DTWD2: variants seen among roughly 807,000 people sequenced by gnomAD.
The protein encoded by DTWD2 is tRNA-uridine aminocarboxypropyltransferase 2.
A neutral mutation model predicts 31.8 loss-of-function variants in DTWD2; 39 were observed. The ratio of observed to expected loss-of-function variants is 1.22; its 90% CI spans 0.95 to 1.60. DTWD2 has a LOEUF of 1.60. Among genes scored for constraint, DTWD2 ranks in the 40% most tolerant of loss-of-function variants. The probability of loss-of-function intolerance (pLI) is 0.00; values close to 1 mark genes in which losing one functional copy is unlikely to be tolerated. For synonymous variants in DTWD2, 180 were observed against 142.8 expected (o/e 1.26, Z -1.86); for missense variants, 515 against 381.5 (o/e 1.35, Z -2.92).
intron 4 of DTWD2, among the ~76,000 whole-genome samples, chr5:118,878,725 C>A (rs1253106573): frequency 6.6e-6 from 1 of 151,986 alleles, no homozygotes; most frequent in African/African-American, 2.4e-5. Context: ...AGCAAACAGA[C>A]AATCTACAGA....
chr5:118,923,664 C>A (rs1354172522), intron 4 of DTWD2, among the ~76,000 whole-genome samples: 1 of 152,172 alleles, frequency 6.6e-6, no homozygotes, highest in East Asian at 1.9e-4. Context: ...TCCTTTCTTT[C>A]CTGTTCTAAA....
chr5:118,982,222 T>G (rs553437077), intron 1 of DTWD2, among the ~76,000 whole-genome samples: 6 of 152,216 alleles, frequency 3.9e-5, no homozygotes, highest in Non-Finnish European at 8.8e-5. Context: ...ATTATTAATT[T>G]TGGGAAAATG....
intron 4 of DTWD2, among the ~76,000 whole-genome samples, chr5:118,878,364 T>TA (rs946133606): frequency 3.3e-5 from 5 of 152,132 alleles, no homozygotes; most frequent in African/African-American, 9.7e-5. Context: ...CCCACACACT[T>TA]ACAACTATCT....
chr5:118,882,735 A>G (rs1343444179), intron 4 of DTWD2, among the ~76,000 whole-genome samples: 5 of 152,220 alleles, frequency 3.3e-5, no homozygotes, highest in Admixed American at 1.3e-4. Context: ...CCCTTTAGCA[A>G]TGGCTGGAGA....
At chr5:118,973,180 C>T (rs1188335377) in intron 1 of DTWD2, among the ~76,000 whole-genome samples, 10 of 150,086 alleles carry the variant, frequency 6.7e-5, no homozygotes, top group South Asian at 2.2e-4. Flanking sequence ...CTGAATACAA[C>T]ACACCAATGG....
At chr5:118,896,294 T>A (rs1753082189) in intron 4 of DTWD2, among the ~76,000 whole-genome samples, 1 of 152,132 alleles carries the variant, frequency 6.6e-6, no homozygotes, top group African/African-American at 2.4e-5. Flanking sequence ...GCAATAATAT[T>A]TTCTACAAAG....
intron 4 of DTWD2, among the ~76,000 whole-genome samples, chr5:118,915,580 T>C (rs1328751484): frequency 6.6e-6 from 1 of 152,078 alleles, no homozygotes; most frequent in Non-Finnish European, 1.5e-5. Context: ...TTCACCATGT[T>C]AGCCAGGATG....
intron 5 of DTWD2, among the ~76,000 whole-genome samples, chr5:118,846,632 A>G (rs578022036): frequency 1.3e-5 from 2 of 152,320 alleles, no homozygotes; most frequent in South Asian, 2.1e-4. Context: ...ACTGGGTTAC[A>G]TAATTCTATT....
chr5:118,974,074 T>C, intron 1 of DTWD2: 1 of 1,604,504 alleles, frequency 6.2e-7, no homozygotes, highest in Non-Finnish European at 8.5e-7. Flanking sequence ...CTGAAGATGA[T>C]GAGGATGACG....
chr5:118,956,757 C>T (rs1026818464), intron 1 of DTWD2, among the ~76,000 whole-genome samples: 3 of 152,144 alleles, frequency 2.0e-5, no homozygotes, highest in Non-Finnish European at 4.4e-5. Context: ...TGCACCTCAA[C>T]TTTACCAATA....
chr5:118,928,644 T>C lies in DTWD2; in HGVS notation c.490A>G (p.Ile164Val). 3.1e-6 allele frequency: 5 copies of C among 1,603,002 alleles called. No homozygotes were observed. Among genetic ancestry groups the C allele is most frequent in the Non-Finnish European group, 4.3e-6 (5 of 1,174,064 alleles). ...GAEAANLEEF[I>V]LDSPVYPSTI... ...GAAGGATAAACAGGAGAATCTAATA[T>C]AAATTCTTCCAAATTAGCAGCTTCA... The change falls in exon 4 of 6, where the codon ATA becomes GTA. Residue 164 changes from isoleucine to valine, a missense_variant. Physicochemically the swap from Ile to Val is conservative, Grantham distance 29. Transcript: ENST00000510708.
chr5:118,843,508 T>C (rs1751776363), intron 5 of DTWD2, among the ~76,000 whole-genome samples: 1 of 152,192 alleles, frequency 6.6e-6, no homozygotes, highest in Non-Finnish European at 1.5e-5. Flanking sequence ...AATGCTAAAA[T>C]AACTATATAT....
chr5:118,931,504 A>G (rs1753923674), intron 3 of DTWD2, among the ~76,000 whole-genome samples: 2 of 152,178 alleles, frequency 1.3e-5, no homozygotes, highest in Non-Finnish European at 2.9e-5. Flanking sequence ...AAGGCATTAC[A>G]TAATAACAAG....
intron 2 of DTWD2, 49 bp from the exon 3 acceptor site, chr5:118,939,339 C>T: frequency 1.4e-6 from 2 of 1,429,106 alleles, no homozygotes; most frequent in South Asian, 2.8e-5. Flanking sequence ...TAGATATACA[C>T]ACTTTTAAAT....
At chr5:118,857,067 G>T (rs544455527) in intron 4 of DTWD2, among the ~76,000 whole-genome samples, 2 of 151,794 alleles carry the variant, frequency 1.3e-5, no homozygotes, top group East Asian at 3.9e-4. Context: ...ATGAGCCACC[G>T]CACCCGGCAG....
intron 4 of DTWD2, among the ~76,000 whole-genome samples, chr5:118,871,441 C>T (rs1752502567): frequency 6.6e-6 from 1 of 152,146 alleles, no homozygotes; most frequent in Non-Finnish European, 1.5e-5. Flanking sequence ...TTTATGGCAA[C>T]TATAGCCTTA....
rs145377478 is a variant in DTWD2 at position 118,982,909 on chromosome 5, G to A, written c.218+5385C>T. 4.4e-3 allele frequency among the ~76,000 whole-genome samples: 669 copies of A among 151,954 alleles called. 1 individual carries two copies. Among genetic ancestry groups the A allele is most frequent in the South Asian group, 7.7e-3 (37 of 4,806 alleles). ...TCACCATGCTGGTCAGGCTGGTCTC[G>A]ATCTCCTCTGACCTTGTGATCCATC... On this transcript the variant is annotated intron_variant, in intron 1 of 5. Coordinates refer to ENST00000510708, the MANE Select transcript of DTWD2 (RefSeq NM_173666.4).
intron 4 of DTWD2, among the ~76,000 whole-genome samples, chr5:118,909,086 C>A (rs1753400649): frequency 6.6e-6 from 1 of 152,232 alleles, no homozygotes; most frequent in African/African-American, 2.4e-5. Context: ...AAGGTAAGCA[C>A]CAGTTTCTCC....
intron 3 of DTWD2, among the ~76,000 whole-genome samples, chr5:118,932,169 CAACAACAACAAA>C (rs1385239244): frequency 2.0e-5 from 3 of 151,618 alleles, no homozygotes; most frequent in African/African-American, 7.3e-5. Flanking sequence ...CTTAAAAACA[CAACAACAACAAA>C]AACAACAACA....
Sources: allele counts gnomAD v4.1 joint callset (sites outside exome capture counted in the v4.1 genomes callset), GRCh38; gene constraint gnomAD v4.1.1; transcripts MANE v1.5; gene names NCBI Gene and HGNC (gene_info 2026-07-23, HGNC 2026-07-21).